REPS2: variants seen among roughly 807,000 people sequenced by gnomAD.
REPS2 encodes RALBP1 associated Eps domain containing 2.
Under a neutral mutation model 53.6 loss-of-function variants are expected in REPS2, and 23 were observed. That is an observed-to-expected ratio of 0.43 (90% CI 0.31 to 0.61). The LOEUF (loss-of-function observed/expected upper bound fraction) is 0.61. REPS2 is among the 20% of genes least tolerant of loss of function. REPS2 has a pLI of 0.11. For missense variants in REPS2, 446 were observed against 534.9 expected (o/e 0.83, Z 1.64); for synonymous variants, 238 against 218.6 (o/e 1.09, Z -0.78).
chrX:17,177,559 C>G, the REPS2 span, among the ~76,000 whole-genome samples: 2 of 111,673 alleles, frequency 1.8e-5, no homozygotes, highest in Non-Finnish European at 3.8e-5. Context: ...CAAGCTGGCC[C>G]AGATGCCTGT....
intron 13 of REPS2, among the ~76,000 whole-genome samples, chrX:17,101,340 G>T (rs1938683377): frequency 9.0e-6 from 1 of 110,959 alleles, no homozygotes; most frequent in South Asian, 3.8e-4. Context: ...GGGATTACAA[G>T]CGTGAGCCAT....
At chrX:17,102,650 A>T (rs1032169738) in intron 13 of REPS2, among the ~76,000 whole-genome samples, 2 of 112,485 alleles carry the variant, frequency 1.8e-5, no homozygotes, top group South Asian at 3.7e-4. Flanking sequence ...TCAAAATGAA[A>T]ATCTCTGTGA....
At chrX:17,050,146 CT>C (rs1569148258) in intron 6 of REPS2, among the ~76,000 whole-genome samples, 10 of 28,522 alleles carry the variant, frequency 3.5e-4, no homozygotes, top group African/African-American at 7.5e-4. Context: ...TTCTTCCTTT[CT>C]TTCTTTCTTT....
the REPS2 span, among the ~76,000 whole-genome samples, chrX:17,190,467 A>C: frequency 8.9e-6 from 1 of 112,274 alleles, no homozygotes; most frequent in Non-Finnish European, 1.9e-5. Context: ...GAAATAAACC[A>C]AGGAAGGTCT....
Position 17,150,476 on chromosome X carries a change from C to G in REPS2, c.*2995C>G, listed in dbSNP as rs771552668. The G allele has an allele frequency of 1.8e-5, 2 of 112,868 alleles. No homozygotes were observed. Among genetic ancestry groups the G allele is most frequent in the East Asian group, 5.6e-4 (2 of 3,594 alleles). The allele number at this position is 112,868 out of a possible 1,213,427, so 9.3% of individuals were successfully genotyped here. A position where few individuals can be genotyped will look rare whatever the true frequency, so the allele number is the denominator to read the frequency against. On this transcript the variant is annotated 3_prime_UTR_variant, in exon 18 of 18. Transcript: ENST00000357277. ...GTGGCATATTGCTTTTGCCACTTTC[C>G]TATCCAGCAGACATCAAAGCAAAAC...
the REPS2 span, among the ~76,000 whole-genome samples, chrX:17,177,031 G>A: frequency 4.6e-4 from 51 of 111,980 alleles, no homozygotes; most frequent in African/African-American, 1.3e-3. Context: ...AGTGATGGAC[G>A]GTAGGGATTT....
intron 6 of REPS2, among the ~76,000 whole-genome samples, chrX:17,050,173 TCTTTCTTTCTTTCTTTCTTTC>T (rs2061968972): frequency 2.0e-5 from 1 of 50,025 alleles, no homozygotes; most frequent in African/African-American, 9.2e-5. Flanking sequence ...TTTCTTTCTT[TCTTTCTTTCTTTCTTTCTTTC>T]TTTTTTTTTT....
chrX:17,184,801 G>A, the REPS2 span, among the ~76,000 whole-genome samples: 10 of 112,014 alleles, frequency 8.9e-5, no homozygotes, highest in African/African-American at 3.2e-4. Flanking sequence ...ATTTTTTCAT[G>A]TGTTTTTTGG....
At chrX:17,075,512 ATCC>A (rs1173453041) in intron 12 of REPS2, among the ~76,000 whole-genome samples, 1 of 112,274 alleles carries the variant, frequency 8.9e-6, no homozygotes, top group African/African-American at 3.2e-5. Flanking sequence ...AATTGTTTTT[ATCC>A]TCCTTTTTGA....
chrX:17,142,965 G>T (rs1243643329), intron 17 of REPS2, among the ~76,000 whole-genome samples: 3 of 112,294 alleles, frequency 2.7e-5, no homozygotes, highest in Non-Finnish European at 3.8e-5. Flanking sequence ...AATAAATTGG[G>T]ATACATTCAT....
At chrX:16,957,776 T>C (rs2060614015) in intron 1 of REPS2, among the ~76,000 whole-genome samples, 1 of 112,050 alleles carries the variant, frequency 8.9e-6, no homozygotes, top group Non-Finnish European at 1.9e-5. Flanking sequence ...TTTTTTAGTC[T>C]CAGCATGACT....
At chrX:17,083,076 ACT>A (rs2062479064) in intron 13 of REPS2, among the ~76,000 whole-genome samples, 1 of 89,973 alleles carries the variant, frequency 1.1e-5, no homozygotes, top group Non-Finnish European at 2.1e-5. Context: ...TGTTCCGAGC[ACT>A]TTTTTTTTTT....
At chrX:17,051,816 T>C (rs2062006945) in intron 6 of REPS2, among the ~76,000 whole-genome samples, 1 of 112,111 alleles carries the variant, frequency 8.9e-6, no homozygotes, top group Admixed American at 9.5e-5. Flanking sequence ...ATGTAACATG[T>C]AAAGTGGAAT....
At chrX:17,191,097 A>T in the REPS2 span, among the ~76,000 whole-genome samples, 6 of 111,920 alleles carry the variant, frequency 5.4e-5, no homozygotes, top group African/African-American at 1.9e-4. Context: ...AAAATAAAAA[A>T]TTGATAATAA....
At chrX:17,146,110 GAAA>G (rs149334711) in intron 17 of REPS2, among the ~76,000 whole-genome samples, 2 of 77,083 alleles carry the variant, frequency 2.6e-5, no homozygotes, top group Non-Finnish European at 2.6e-5. Flanking sequence ...CTCTGTCTCA[GAAA>G]AAAAAAAAAA....
intron 14 of REPS2, among the ~76,000 whole-genome samples, chrX:17,131,153 G>C (rs190891877): frequency 9.0e-6 from 1 of 111,472 alleles, no homozygotes; most frequent in East Asian, 2.8e-4. Context: ...AATGAACAGG[G>C]AGGGAAAAAT....
intron 14 of REPS2, among the ~76,000 whole-genome samples, chrX:17,133,423 T>A (rs2063321068): frequency 2.7e-5 from 3 of 112,157 alleles, no homozygotes; most frequent in African/African-American, 9.7e-5. Flanking sequence ...TATTAGAAAT[T>A]TAACATTTAA....
Position 17,018,005 on chromosome X carries a change from A to G in REPS2, c.398-4118A>G, listed in dbSNP as rs1441739062. ...AAATTTTGCCATTAAAAATGTTTTG[A>G]AATGGAAAATTTTTAATTGTGATAA... On this transcript the variant is annotated intron_variant, in intron 2 of 17. Transcript: ENST00000357277. Among the ~76,000 whole-genome samples, 17 of 112,650 alleles carry G rather than the reference A, an allele frequency of 1.5e-4. No individual in the cohort carries two copies. The Admixed American group carries it at 1.6e-3, about 11-fold the overall frequency.
At chrX:16,971,951 A>G (rs1427165160) in intron 1 of REPS2, among the ~76,000 whole-genome samples, 4 of 112,136 alleles carry the variant, frequency 3.6e-5, no homozygotes. Flanking sequence ...ACAATTGATG[A>G]TGTCTTATAT....
Sources: gnomAD v4.1 joint callset for allele counts (sites outside exome capture counted in the v4.1 genomes callset) on GRCh38, gnomAD v4.1.1 for gene constraint, MANE v1.5 for transcripts, NCBI Gene and HGNC (gene_info 2026-07-23, HGNC 2026-07-21) for gene names.